HPSE2: variants seen among roughly 807,000 people sequenced by gnomAD.
The protein encoded by HPSE2 is inactive heparanase-2.
A neutral mutation model predicts 60.5 loss-of-function variants in HPSE2; 38 were observed. The ratio of observed to expected loss-of-function variants is 0.63; its 90% CI spans 0.48 to 0.82. The LOEUF (loss-of-function observed/expected upper bound fraction) is 0.82. Ranked by LOEUF, HPSE2 falls within the 40% of genes least tolerant of loss-of-function variation. The probability of loss-of-function intolerance (pLI) is 0.00; values close to 1 mark genes in which losing one functional copy is unlikely to be tolerated. For synonymous variants in HPSE2, 295 were observed against 293.2 expected, an observed-to-expected ratio of 1.01 and a Z score of -0.06; for missense variants, 713 against 740.4, an observed-to-expected ratio of 0.96 and a Z score of 0.43.
chr10:98,607,054 T>TCTCCCTCC (rs148346592), intron 9 of HPSE2, among the ~76,000 whole-genome samples: 7 of 144,122 alleles, frequency 4.9e-5, no homozygotes, highest in African/African-American at 1.6e-4. Flanking sequence ...TCTTTTTCTT[T>TCTCCCTCC]CTCCCTCCCT....
At chr10:98,584,221 G>A (rs1040771941) in intron 9 of HPSE2, among the ~76,000 whole-genome samples, 9 of 152,144 alleles carry the variant, frequency 5.9e-5, no homozygotes, top group Non-Finnish European at 1.3e-4. Context: ...ACTGAGCACT[G>A]AGCATAAAAC....
chr10:99,031,650 G>C (rs1391859980), intron 3 of HPSE2, among the ~76,000 whole-genome samples: 1 of 152,126 alleles, frequency 6.6e-6, no homozygotes, highest in African/African-American at 2.4e-5. Context: ...TCTAAGTAGT[G>C]GGAGGAATTC....
At chr10:98,885,289 A>G (rs1365305835) in intron 3 of HPSE2, among the ~76,000 whole-genome samples, 3 of 152,166 alleles carry the variant, frequency 2.0e-5, no homozygotes, top group Admixed American at 2.0e-4. Flanking sequence ...ATTCTCATGA[A>G]TGAGCAGAGG....
chr10:99,101,764 C>A (rs987041562), intron 3 of HPSE2, among the ~76,000 whole-genome samples: 2 of 152,194 alleles, frequency 1.3e-5, no homozygotes, highest in African/African-American at 4.8e-5. Flanking sequence ...TGTAAAAGAA[C>A]AGAAATTATG....
chr10:99,043,134 A>G (rs1185013331), intron 3 of HPSE2, among the ~76,000 whole-genome samples: 1 of 152,186 alleles, frequency 6.6e-6, no homozygotes, highest in Non-Finnish European at 1.5e-5. Context: ...TGGCAATTCA[A>G]AAAGCCAGTG....
At chr10:98,688,139 C>A (rs530659288) in intron 6 of HPSE2, among the ~76,000 whole-genome samples, 2 of 152,060 alleles carry the variant, frequency 1.3e-5, no homozygotes, top group East Asian at 3.9e-4. Context: ...ATAATTTTCA[C>A]CCTTGCTTAT....
intron 11 of HPSE2, among the ~76,000 whole-genome samples, chr10:98,480,109 G>A (rs1941178260): frequency 7.4e-6 from 1 of 134,794 alleles, no homozygotes. Flanking sequence ...TTTTTTTTGA[G>A]GCAGAGTCTT....
chr10:98,470,463 G>T (rs952990982), intron 11 of HPSE2, among the ~76,000 whole-genome samples: 4 of 152,216 alleles, frequency 2.6e-5, no homozygotes, highest in African/African-American at 9.6e-5. Flanking sequence ...CCCACATCCT[G>T]CCCTGGGCTT....
intron 3 of HPSE2, among the ~76,000 whole-genome samples, chr10:98,895,096 T>C (rs928563333): frequency 3.9e-5 from 6 of 151,952 alleles, no homozygotes; most frequent in Non-Finnish European, 7.4e-5. Flanking sequence ...TTTAGGAGTG[T>C]TTACCATACC....
At chr10:99,023,360 T>C (rs1228964023) in intron 3 of HPSE2, among the ~76,000 whole-genome samples, 1 of 152,014 alleles carries the variant, frequency 6.6e-6, no homozygotes, top group African/African-American at 2.4e-5. Flanking sequence ...CTTCTAAGGT[T>C]TTTGACTCTA....
intron 3 of HPSE2, among the ~76,000 whole-genome samples, chr10:98,939,129 T>A (rs949901455): frequency 7.0e-6 from 1 of 143,234 alleles, no homozygotes; most frequent in Non-Finnish European, 1.5e-5. Flanking sequence ...CACTGCAAAA[T>A]CATGGCAAAT....
chr10:98,914,727 C>T (rs1954070716), intron 3 of HPSE2, among the ~76,000 whole-genome samples: 1 of 150,914 alleles, frequency 6.6e-6, no homozygotes. Flanking sequence ...AAAAGTTACC[C>T]AGGTCCTATG....
intron 9 of HPSE2, among the ~76,000 whole-genome samples, chr10:98,570,380 CTCT>C (rs139761428): frequency 0.026 from 3,970 of 152,110 alleles, 180 homozygotes; most frequent in African/African-American, 0.089. Context: ...AAGCTGTCTT[CTCT>C]TCTTTAAGAC....
At chr10:99,184,522 CAAAAAAAAAAAAAAAAAAAAAA>C (rs200059066) in intron 2 of HPSE2, among the ~76,000 whole-genome samples, 623 of 60,738 alleles carry the variant, frequency 0.01, 7 homozygotes, top group African/African-American at 0.022. Context: ...GAGACTGTCT[CAAAAAAAAAAAAAAAAAAAAAA>C]AAAAAAAAAA....
chr10:98,552,187 T>C lies in HPSE2; in HGVS notation c.1321-61991A>G, dbSNP rs138731047. ...TTTAGTTTTGGGATATGCTGATATT[T>C]AGATAATGCAGGATATTTAAGGGAA... is the stretch of plus-strand genomic sequence containing the variant. On this transcript the variant is annotated intron_variant, in intron 9 of 11. Coordinates refer to ENST00000370552, the MANE Select transcript of HPSE2 (RefSeq NM_021828.5). Among the ~76,000 whole-genome samples the C allele has an allele frequency of 5.3e-5, 8 of 152,276 alleles. No individual in the cohort carries two copies. In the East Asian group the frequency reaches 9.6e-4, roughly 18 times the overall value.
At chr10:98,567,668 A>C (rs657442) in intron 9 of HPSE2, among the ~76,000 whole-genome samples, 129,227 of 152,088 alleles carry the variant, frequency 0.85, 56,172 homozygotes, top group East Asian at 1. Flanking sequence ...GGGAAAAGTC[A>C]GACCAGCTGA....
At chr10:98,900,677 A>T (rs1339310793) in intron 3 of HPSE2, among the ~76,000 whole-genome samples, 2 of 152,230 alleles carry the variant, frequency 1.3e-5, no homozygotes, top group Non-Finnish European at 2.9e-5. Context: ...ATGTTCGTCA[A>T]AGTAGATAAA....
chr10:98,733,190 G>A (rs568565645), intron 4 of HPSE2, among the ~76,000 whole-genome samples: 2 of 152,068 alleles, frequency 1.3e-5, no homozygotes, highest in Non-Finnish European at 2.9e-5. Flanking sequence ...GTGCGACCTT[G>A]GCTCACTGCA....
intron 3 of HPSE2, among the ~76,000 whole-genome samples, chr10:98,956,401 C>T (rs1029522194): frequency 6.6e-6 from 1 of 152,132 alleles, no homozygotes; most frequent in Non-Finnish European, 1.5e-5. Flanking sequence ...GCTGCATATA[C>T]AAACTAACCT....
Sources: gnomAD v4.1 joint callset for allele counts (sites outside exome capture counted in the v4.1 genomes callset) on GRCh38, gnomAD v4.1.1 for gene constraint, MANE v1.5 for transcripts, NCBI Gene and HGNC (gene_info 2026-07-23, HGNC 2026-07-21) for gene names.